CRACD: variants seen among roughly 807,000 people sequenced by gnomAD.
CRACD encodes capping protein-inhibiting regulator of actin dynamics.
In CRACD, 56 loss-of-function variants were observed where a neutral mutation model predicts 106.8. The observed-to-expected ratio is 0.52, with a 90% CI of 0.42 to 0.66. CRACD has a LOEUF of 0.66. CRACD is among the 30% of genes least tolerant of loss of function. The pLI is 0.00. For missense variants in CRACD, 1,730 were observed against 1,623.2 expected (o/e 1.07, Z -1.13); for synonymous variants, 754 against 670.8 (o/e 1.12, Z -1.92).
chr4:56,215,770 G>A (rs1238279709), intron 2 of CRACD, among the ~76,000 whole-genome samples: 6 of 152,130 alleles, frequency 3.9e-5, no homozygotes, highest in African/African-American at 7.2e-5. Flanking sequence ...CCATTCTTCC[G>A]GTGGTTCTAA....
intron 3 of CRACD, among the ~76,000 whole-genome samples, chr4:56,288,871 A>G (rs1384107009): frequency 1.3e-5 from 2 of 152,342 alleles, no homozygotes; most frequent in East Asian, 3.9e-4. Flanking sequence ...AGGAGAAACA[A>G]CCCAAATGCC....
At chr4:56,108,909 C>T (rs1262820226) in intron 1 of CRACD, among the ~76,000 whole-genome samples, 3 of 152,198 alleles carry the variant, frequency 2.0e-5, no homozygotes, top group Non-Finnish European at 2.9e-5. Context: ...GGACAAGGAG[C>T]GTGATCATTG....
intron 1 of CRACD, among the ~76,000 whole-genome samples, chr4:56,169,285 G>A (rs1362571309): frequency 6.6e-5 from 10 of 152,130 alleles, no homozygotes; most frequent in African/African-American, 2.4e-4. Context: ...AAGGCCATAT[G>A]GTTACAGTTT....
intron 3 of CRACD, 116 bp from the exon 4 acceptor site, chr4:56,298,098 C>T (rs1744151352): frequency 8.5e-7 from 1 of 1,177,718 alleles, no homozygotes; most frequent in Non-Finnish European, 1.2e-6. Context: ...GCTGAAAGTG[C>T]TTGCCGAATG....
intron 1 of CRACD, among the ~76,000 whole-genome samples, chr4:56,060,698 G>A (rs188293926): frequency 3.3e-5 from 5 of 152,272 alleles, no homozygotes; most frequent in Admixed American, 3.3e-4. Context: ...AAATTCATAT[G>A]TTGAAATCCT....
intron 3 of CRACD, among the ~76,000 whole-genome samples, chr4:56,294,048 A>G (rs538674848): frequency 1.3e-5 from 2 of 152,270 alleles, no homozygotes; most frequent in African/African-American, 4.8e-5. Context: ...GAAGATGGCA[A>G]GAACTCATCT....
At chr4:56,093,389 C>G (rs143753749) in intron 1 of CRACD, among the ~76,000 whole-genome samples, 2 of 152,290 alleles carry the variant, frequency 1.3e-5, no homozygotes, top group Non-Finnish European at 2.9e-5. Flanking sequence ...GACGCGTATT[C>G]ATTTGCATTT....
chr4:56,174,267 T>C (rs2109426684), intron 1 of CRACD, among the ~76,000 whole-genome samples: 1 of 152,336 alleles, frequency 6.6e-6, no homozygotes, highest in African/African-American at 2.4e-5. Context: ...GGCACATCCA[T>C]CACCTCAGAC....
chr4:56,126,232 A>G (rs1164507458), intron 1 of CRACD, among the ~76,000 whole-genome samples: 1 of 152,068 alleles, frequency 6.6e-6, no homozygotes, highest in Non-Finnish European at 1.5e-5. Context: ...CCTGCCCCAC[A>G]CCAAAACTCA....
chr4:56,255,113 CAAAAA>C (rs5858370), intron 2 of CRACD, among the ~76,000 whole-genome samples: 3 of 74,800 alleles, frequency 4.0e-5, no homozygotes, highest in Non-Finnish European at 5.2e-5. Context: ...GACTCCATCT[CAAAAA>C]AAAAAAAAAA....
At chr4:56,313,438 C>T in intron 7 of CRACD, 59 bp downstream of exon 7, 2 of 1,494,122 alleles carry the variant, frequency 1.3e-6, no homozygotes, top group Non-Finnish European at 1.8e-6. Context: ...GGCACTAATT[C>T]TACAAGTGGG....
intron 1 of CRACD, among the ~76,000 whole-genome samples, chr4:56,096,648 T>C (rs1046968420): frequency 7.0e-4 from 105 of 149,468 alleles, no homozygotes; most frequent in African/African-American, 2.4e-3. Context: ...AAAAAGAGAA[T>C]AGAGAAATGA....
intron 1 of CRACD, among the ~76,000 whole-genome samples, chr4:56,054,086 C>T (rs1731968752): frequency 6.6e-6 from 1 of 152,012 alleles, no homozygotes; most frequent in Admixed American, 6.6e-5. Context: ...AGGACATGGC[C>T]CACTTATTGG....
At chr4:56,095,088 G>A (rs187338325) in intron 1 of CRACD, among the ~76,000 whole-genome samples, 81 of 152,116 alleles carry the variant, frequency 5.3e-4, no homozygotes, top group African/African-American at 1.8e-3. Context: ...CTGGGTGCTC[G>A]CGCCTGTAAT....
intron 1 of CRACD, among the ~76,000 whole-genome samples, chr4:56,083,378 C>T (rs557167024): frequency 2.2e-4 from 33 of 152,198 alleles, no homozygotes; most frequent in African/African-American, 7.9e-4. Context: ...AAAAGGCTGC[C>T]AAAAGTGGTT....
At chr4:56,267,203 C>A (rs1322959324) in intron 2 of CRACD, among the ~76,000 whole-genome samples, 1 of 152,028 alleles carries the variant, frequency 6.6e-6, no homozygotes, top group Non-Finnish European at 1.5e-5. Flanking sequence ...TCACTACAAC[C>A]TCTGCCTCCC....
chr4:56,286,525 C>CAAAAAAAAAAAAAAAAAAAAAAAA (rs61498428), intron 3 of CRACD, among the ~76,000 whole-genome samples: 8 of 89,374 alleles, frequency 9.0e-5, no homozygotes, highest in South Asian at 4.1e-4. Flanking sequence ...GACTCCGTCT[C>CAAAAAAAAAAAAAAAAAAAAAAAA]AAAAAAAAAA....
intron 1 of CRACD, among the ~76,000 whole-genome samples, chr4:56,134,934 G>A (rs983826988): frequency 6.7e-6 from 1 of 149,726 alleles, no homozygotes. Context: ...ATTGATACTG[G>A]CTTTTTTTTT....
At chr4:56,098,733 C>G (rs575477442) in intron 1 of CRACD, among the ~76,000 whole-genome samples, 5 of 152,222 alleles carry the variant, frequency 3.3e-5, no homozygotes, top group Non-Finnish European at 4.4e-5. Flanking sequence ...GCTCTGTCAC[C>G]CAGGCTGGAG....
Sources: allele counts gnomAD v4.1 joint callset (sites outside exome capture counted in the v4.1 genomes callset), GRCh38; gene constraint gnomAD v4.1.1; transcripts MANE v1.5; gene names NCBI Gene and HGNC (gene_info 2026-07-23, HGNC 2026-07-21).